The following OCLN variants were observed in gnomAD, a reference collection of about 807,000 sequenced individuals.
OCLN encodes the protein phosphatase 1, regulatory subunit 115.
Under a neutral mutation model 47.9 loss-of-function variants are expected in OCLN, and 21 were observed. The ratio of observed to expected loss-of-function variants is 0.44; its 90% CI spans 0.31 to 0.63. The LOEUF (loss-of-function observed/expected upper bound fraction) is 0.63, where lower values mean the gene tolerates loss of function less well. Among genes scored for constraint, OCLN ranks in the 30% least tolerant of loss-of-function variants. OCLN has a pLI of 0.08. For synonymous variants in OCLN, 117 were observed against 198.4 expected (o/e 0.59, Z 3.45); for missense variants, 360 against 571.0 (o/e 0.63, Z 3.77).
chr5:69,531,815 G>A (rs1256976450), intron 4 of OCLN, among the ~76,000 whole-genome samples: 2 of 152,190 alleles, frequency 1.3e-5, no homozygotes, highest in East Asian at 1.9e-4. Context: ...GCCTGGATAC[G>A]TCAGGAGAGT....
At chr5:69,506,684 G>A (rs1192906066) in intron 2 of OCLN, among the ~76,000 whole-genome samples, 1 of 152,156 alleles carries the variant, frequency 6.6e-6, no homozygotes, top group African/African-American at 2.4e-5. Flanking sequence ...GATTTTAGGA[G>A]TTGTATGCCA....
rs555264799 is a variant in OCLN at position 69,533,090 on chromosome 5, C to T, written c.892-1604C>T. Among the ~76,000 whole-genome samples, 324 of 126,042 alleles carry T rather than the reference C, an allele frequency of 2.6e-3. 5 individuals are homozygous for T. Among genetic ancestry groups the T allele is most frequent in the Admixed American group, 0.016 (206 of 13,170 alleles). 82.7% of individuals were successfully genotyped at this position (126,042 alleles called of 152,430 possible). ...ATATACACACACATATATATATATA[C>T]ACACACACACACACACACATATATA... On this transcript the variant is annotated intron_variant, in intron 4 of 8. Transcript: ENST00000396442.
intron 2 of OCLN, among the ~76,000 whole-genome samples, chr5:69,508,452 T>C (rs1025646653): frequency 2.0e-5 from 3 of 152,180 alleles, no homozygotes; most frequent in African/African-American, 7.2e-5. Context: ...GCAATTCTCG[T>C]GCCTCAGCCT....
At chr5:69,516,326 C>A (rs1477902794) in intron 4 of OCLN, among the ~76,000 whole-genome samples, 2 of 152,242 alleles carry the variant, frequency 1.3e-5, no homozygotes, top group African/African-American at 4.8e-5. Flanking sequence ...GAAACCCCGT[C>A]TCCACCAAAA....
At chr5:69,530,314 CAT>C (rs1298411020) in intron 4 of OCLN, among the ~76,000 whole-genome samples, 1 of 152,140 alleles carries the variant, frequency 6.6e-6, no homozygotes, top group Non-Finnish European at 1.5e-5. Context: ...TCATTTCTCT[CAT>C]AATAGGAAAT....
chr5:69,549,451 A>G (rs1345329861), intron 7 of OCLN, among the ~76,000 whole-genome samples: 1 of 148,404 alleles, frequency 6.7e-6, no homozygotes, highest in Non-Finnish European at 1.5e-5. Flanking sequence ...AATATTAGTT[A>G]AAACAATCTC....
chr5:69,500,232 G>A (rs939678166), intron 1 of OCLN, among the ~76,000 whole-genome samples: 16 of 152,190 alleles, frequency 1.1e-4, no homozygotes, highest in African/African-American at 3.9e-4. Context: ...AGCCCCTTGG[G>A]AATCTGCCCA....
intron 3 of OCLN, 144 bp from the exon 4 acceptor site, chr5:69,513,804 C>T: frequency 1.3e-6 from 1 of 745,822 alleles, no homozygotes; most frequent in Non-Finnish European, 2.3e-6. Context: ...TGAAATGTAA[C>T]TATTTGCTTC....
intron 4 of OCLN, among the ~76,000 whole-genome samples, chr5:69,521,414 A>G (rs1264992517): frequency 6.6e-6 from 1 of 152,050 alleles, no homozygotes; most frequent in Non-Finnish European, 1.5e-5. Flanking sequence ...GTCTTTATGC[A>G]CTCTTGCTAG....
intron 1 of OCLN, among the ~76,000 whole-genome samples, chr5:69,499,875 G>T (rs1039906802): frequency 6.6e-6 from 1 of 152,162 alleles, no homozygotes; most frequent in African/African-American, 2.4e-5. Context: ...GTGAACCACT[G>T]CGCCCAGCTC....
rs1561331792 is a variant in OCLN, at chr5:69,504,221, TCAGC to T, written c.-23_-20del. The stretch of plus-strand genomic sequence containing the variant: ...TAAAGGGCATTGCTCATCCTGAAGA[TCAGC>T]TGACCATTGACAATCAGCCATGTCA... On this transcript the variant is annotated 5_prime_UTR_variant, in exon 2 of 9. Transcript: ENST00000396442. 1 of 1,583,164 alleles carries T rather than the reference TCAGC, an allele frequency of 6.3e-7. No individual in the cohort carries two copies. Among genetic ancestry groups the T allele is most frequent in the African/African-American group, 1.3e-5 (1 of 74,356 alleles).
chr5:69,521,697 C>G (rs549199696), intron 4 of OCLN, among the ~76,000 whole-genome samples: 2 of 152,152 alleles, frequency 1.3e-5, no homozygotes, highest in Non-Finnish European at 2.9e-5. Context: ...TCTGCAGATT[C>G]TACTAACCCT....
intron 5 of OCLN, among the ~76,000 whole-genome samples, chr5:69,536,796 G>A (rs1174117208): frequency 3.3e-5 from 5 of 151,910 alleles, no homozygotes; most frequent in African/African-American, 4.8e-5. Flanking sequence ...GTGAAACCCC[G>A]TGTCTACTAA....
At chr5:69,513,630 G>A (rs557355931) in intron 3 of OCLN, among the ~76,000 whole-genome samples, 1 of 152,314 alleles carries the variant, frequency 6.6e-6, no homozygotes, top group South Asian at 2.1e-4. Flanking sequence ...TGGCCCGTAG[G>A]TGTACAAGCT....
chr5:69,518,631 C>T (rs1206364874), intron 4 of OCLN, among the ~76,000 whole-genome samples: 1 of 152,174 alleles, frequency 6.6e-6, no homozygotes, highest in Admixed American at 6.5e-5. Context: ...ATGTGGCCAT[C>T]GCTGTGGAAT....
At chr5:69,549,280 G>T (rs1442632959) in intron 7 of OCLN, among the ~76,000 whole-genome samples, 4 of 112,178 alleles carry the variant, frequency 3.6e-5, no homozygotes, top group African/African-American at 1.4e-4. Context: ...GGCGGAGCTT[G>T]CAGTGAGCCA....
chr5:69,519,232 T>C (rs1769062378), intron 4 of OCLN, among the ~76,000 whole-genome samples: 1 of 152,222 alleles, frequency 6.6e-6, no homozygotes, highest in African/African-American at 2.4e-5. Context: ...AGAATTTTAT[T>C]ATGTTACTAA....
chr5:69,536,379 A>G (rs1769585583), intron 5 of OCLN, among the ~76,000 whole-genome samples: 1 of 138,680 alleles, frequency 7.2e-6, no homozygotes, highest in African/African-American at 2.6e-5. Flanking sequence ...CACTTAAAAC[A>G]CAATCACATG....
At chr5:69,533,113 A>G (rs1461721236) in intron 4 of OCLN, among the ~76,000 whole-genome samples, 1 of 146,620 alleles carries the variant, frequency 6.8e-6, no homozygotes, top group African/African-American at 2.7e-5. Context: ...ACACACATAT[A>G]TATATACACA....
Sources: allele counts gnomAD v4.1 joint callset (sites outside exome capture counted in the v4.1 genomes callset), GRCh38; gene constraint gnomAD v4.1.1; transcripts MANE v1.5; gene names NCBI Gene and HGNC (gene_info 2026-07-23, HGNC 2026-07-21).